The following CFAP299 variants were observed in gnomAD, a reference collection of about 807,000 sequenced individuals.
CFAP299 encodes cilia- and flagella-associated protein 299.
In CFAP299, 21 loss-of-function variants were observed where a neutral mutation model predicts 27.0. The observed-to-expected ratio is 0.78, with a 90% confidence interval of 0.55 to 1.12. CFAP299 has a LOEUF of 1.12. Among genes scored for constraint, CFAP299 ranks in the 50% most tolerant of loss-of-function variants. The probability of loss-of-function intolerance (pLI) is 0.00; values close to 1 mark genes in which losing one functional copy is unlikely to be tolerated. For synonymous variants in CFAP299, 104 were observed against 98.1 expected (o/e 1.06, Z -0.36); for missense variants, 310 against 276.6 (o/e 1.12, Z -0.86).
chr4:80,799,352 T>C (rs1458963979), intron 3 of CFAP299, among the ~76,000 whole-genome samples: 45 of 100,218 alleles, frequency 4.5e-4, no homozygotes, highest in Non-Finnish European at 7.3e-4. Flanking sequence ...TATATAAATG[T>C]ATTTATATAA....
chr4:80,900,268 A>G (rs900005073), intron 4 of CFAP299, among the ~76,000 whole-genome samples: 3 of 151,952 alleles, frequency 2.0e-5, no homozygotes, highest in African/African-American at 7.3e-5. Flanking sequence ...AGTGAAAGGC[A>G]TTTACATAAT....
At chr4:80,412,735 G>T (rs1726786569) in intron 2 of CFAP299, among the ~76,000 whole-genome samples, 1 of 152,130 alleles carries the variant, frequency 6.6e-6, no homozygotes, top group East Asian at 1.9e-4. Flanking sequence ...TTGTTGGATT[G>T]TTAATATCAA....
intron 3 of CFAP299, among the ~76,000 whole-genome samples, chr4:80,853,181 C>A (rs1731625838): frequency 6.6e-6 from 1 of 152,082 alleles, no homozygotes; most frequent in Admixed American, 6.6e-5. Context: ...CAGGTACCTG[C>A]CATCACATCC....
At chr4:80,599,138 C>G (rs2109897985) in intron 3 of CFAP299, among the ~76,000 whole-genome samples, 1 of 152,280 alleles carries the variant, frequency 6.6e-6, no homozygotes, top group South Asian at 2.1e-4. Context: ...TACAAAGTGT[C>G]TGTTTTATGC....
intron 2 of CFAP299, among the ~76,000 whole-genome samples, chr4:80,526,568 A>AT (rs1243318798): frequency 6.6e-6 from 1 of 152,082 alleles, no homozygotes; most frequent in Non-Finnish European, 1.5e-5. Context: ...ATGAGTATAG[A>AT]TTTTTTATAT....
At chr4:80,550,958 A>G (rs1473628513) in intron 2 of CFAP299, among the ~76,000 whole-genome samples, 2 of 152,126 alleles carry the variant, frequency 1.3e-5, no homozygotes, top group African/African-American at 4.8e-5. Context: ...AAAGCTGATA[A>G]AGAAACTTAA....
chr4:80,851,156 T>C (rs889993643), intron 3 of CFAP299, among the ~76,000 whole-genome samples: 14 of 152,052 alleles, frequency 9.2e-5, no homozygotes, highest in African/African-American at 3.4e-4. Flanking sequence ...AAGCTTCTGG[T>C]GTATAAGTGG....
chr4:80,679,685 T>A lies in CFAP299; in HGVS notation c.333+96502T>A, dbSNP rs572440603. Among the ~76,000 whole-genome samples, 3 of 151,754 alleles carry A rather than the reference T, an allele frequency of 2.0e-5. No individual in the cohort carries two copies. The South Asian group carries it at 6.2e-4, about 32-fold the overall frequency. ...CCTAATAGCAAATTTTGTAAAAAAATTTTCAAGTTCTTGTTTGCTATCTGA... is the reference window on the plus strand; with the variant it reads ...CCTAATAGCAAATTTTGTAAAAAAAATTTCAAGTTCTTGTTTGCTATCTGA... On this transcript the variant is annotated intron_variant, in intron 3 of 5. Coordinates refer to ENST00000358105, the MANE Select transcript of CFAP299 (RefSeq NM_152770.3).
chr4:80,447,130 G>GTTTTTTTTTTTTTTTTTTTT (rs1553923883), intron 2 of CFAP299, among the ~76,000 whole-genome samples: 2 of 105,320 alleles, frequency 1.9e-5, no homozygotes, highest in African/African-American at 4.4e-5. Flanking sequence ...TTTTTTTTTT[G>GTTTTTTTTTTTTTTTTTTTT]TTTTTTTTTT....
intron 5 of CFAP299, among the ~76,000 whole-genome samples, chr4:80,948,021 A>T (rs1737565468): frequency 6.6e-6 from 1 of 152,160 alleles, no homozygotes; most frequent in African/African-American, 2.4e-5. Context: ...TCATAACTCC[A>T]GTAGTTAAAG....
chr4:80,340,823 T>C (rs1291837180), intron 1 of CFAP299, among the ~76,000 whole-genome samples: 6 of 152,066 alleles, frequency 3.9e-5, no homozygotes, highest in Non-Finnish European at 8.8e-5. Context: ...TTGCCCAGGC[T>C]GGAGTGCAAT....
At chr4:80,939,799 T>C (rs540408989) in intron 4 of CFAP299, among the ~76,000 whole-genome samples, 81 of 152,284 alleles carry the variant, frequency 5.3e-4, no homozygotes, top group African/African-American at 1.7e-3. Flanking sequence ...CCTTCACAAG[T>C]CAGCTTAACT....
At chr4:80,945,580 T>C (rs1249297303) in intron 5 of CFAP299, among the ~76,000 whole-genome samples, 1 of 152,182 alleles carries the variant, frequency 6.6e-6, no homozygotes, top group Non-Finnish European at 1.5e-5. Context: ...GAAGTCATTA[T>C]GTGTTTGACT....
intron 1 of CFAP299, among the ~76,000 whole-genome samples, chr4:80,342,558 C>A (rs536777191): frequency 1.8e-4 from 28 of 152,248 alleles, no homozygotes; most frequent in Middle Eastern, 3.4e-3. Context: ...AATTTCATTT[C>A]CAGCCAAGCT....
intron 2 of CFAP299, among the ~76,000 whole-genome samples, chr4:80,558,354 G>GTTTTTTTTTTTTTTTTTT (rs1159652533): frequency 1.2e-4 from 15 of 126,436 alleles, no homozygotes; most frequent in African/African-American, 3.0e-4. Context: ...TTGTTTGTTT[G>GTTTTTTTTTTTTTTTTTT]TTTGTTTGTT....
chr4:80,628,817 A>G (rs1280868895), intron 3 of CFAP299, among the ~76,000 whole-genome samples: 1 of 152,182 alleles, frequency 6.6e-6, no homozygotes, highest in Non-Finnish European at 1.5e-5. Context: ...TCAAGATAAA[A>G]GATAAGTGTT....
chr4:80,951,885 A>C (rs1324442662), intron 5 of CFAP299, among the ~76,000 whole-genome samples: 1 of 152,206 alleles, frequency 6.6e-6, no homozygotes, highest in Non-Finnish European at 1.5e-5. Context: ...GAAAGCACAG[A>C]CCATATACCA....
chr4:80,689,506 A>C (rs1445985010), intron 3 of CFAP299, among the ~76,000 whole-genome samples: 1 of 152,240 alleles, frequency 6.6e-6, no homozygotes, highest in Non-Finnish European at 1.5e-5. Flanking sequence ...AGATTTTGTC[A>C]CCACCAGGCC....
chr4:80,370,984 C>A lies in CFAP299; in HGVS notation c.242+8100C>A, dbSNP rs1460893650. Among the ~76,000 whole-genome samples, 4 of 152,252 alleles carry A rather than the reference C, an allele frequency of 2.6e-5. No homozygotes were observed. In the East Asian group the frequency reaches 7.7e-4, roughly 29 times the overall value. ...GAAGAGGTTCTCCATGAGGGTTCTG[C>A]CCCTGCCGCAGGGTTTTGCCTGGAC... On this transcript the variant is annotated intron_variant, in intron 2 of 5. Transcript: ENST00000358105.
Sources: gnomAD v4.1 joint callset for allele counts (sites outside exome capture counted in the v4.1 genomes callset) on GRCh38, gnomAD v4.1.1 for gene constraint, MANE v1.5 for transcripts, NCBI Gene and HGNC (gene_info 2026-07-23, HGNC 2026-07-21) for gene names.